MZT2B: variants seen among roughly 807,000 people sequenced by gnomAD.
MZT2B encodes mitotic spindle organizing protein 2B.
A neutral mutation model predicts 12.1 loss-of-function variants in MZT2B; 11 were observed. The ratio of observed to expected loss-of-function variants is 0.91; its 90% CI spans 0.57 to 1.50. The LOEUF (loss-of-function observed/expected upper bound fraction) is 1.50, where lower values mean the gene tolerates loss of function less well. MZT2B is among the 40% of genes most tolerant of loss of function. The pLI, the probability that MZT2B is intolerant of heterozygous loss-of-function variation, is 0.00. For missense variants in MZT2B, 209 were observed against 227.7 expected (o/e 0.92, Z 0.53); for synonymous variants, 85 against 109.5 (o/e 0.78, Z 1.40).
intron 2 of MZT2B, among the ~76,000 whole-genome samples, chr2:130,183,381 G>C (rs1195945554): frequency 6.6e-6 from 1 of 152,166 alleles, no homozygotes; most frequent in Non-Finnish European, 1.5e-5. Flanking sequence ...AGAGTCAGAC[G>C]CGGAACTCCC....
chr2:130,203,242 G>C, the MZT2B span, among the ~76,000 whole-genome samples: 1 of 152,168 alleles, frequency 6.6e-6, no homozygotes, highest in Non-Finnish European at 1.5e-5. Context: ...AAGATCATCT[G>C]TGGTATCATC....
chr2:130,199,665 G>T, the MZT2B span, among the ~76,000 whole-genome samples: 2 of 120,688 alleles, frequency 1.7e-5, 1 homozygote, highest in Non-Finnish European at 3.6e-5. Context: ...AGAAGAGGCA[G>T]TTCCTAAGTT....
chr2:130,195,065 C>T (rs768966233), downstream of MZT2B: 1 of 1,611,992 alleles, frequency 6.2e-7, no homozygotes, highest in Admixed American at 1.7e-5. Context: ...CCACATGAAA[C>T]CTTCTCTTCT....
chr2:130,182,490 A>G (rs1023905606), intron 1 of MZT2B, 38 bp downstream of exon 1: 1 of 1,536,304 alleles, frequency 6.5e-7, no homozygotes. Context: ...CTAGCCAGAC[A>G]CCCCCCGACC....
chr2:130,202,208 A>T, the MZT2B span: 1,029 of 954,290 alleles, frequency 1.1e-3, 3 homozygotes, highest in Middle Eastern at 2.2e-3. Flanking sequence ...ACAGCACTAA[A>T]AAAAACAGTC....
chr2:130,203,832 T>C, the MZT2B span, among the ~76,000 whole-genome samples: 3 of 151,688 alleles, frequency 2.0e-5, no homozygotes, highest in African/African-American at 7.3e-5. Flanking sequence ...GCCCAAATGC[T>C]TTATTCACCT....
Position 130,190,474 on chromosome 2 carries a change from A to G in MZT2B, c.325A>G (p.Asn109Asp), listed in dbSNP as rs1127031. The G allele has an allele frequency of 1.5e-5, 24 of 1,613,344 alleles. No individual in the cohort carries two copies. Among genetic ancestry groups the G allele is most frequent in the African/African-American group, 1.2e-4 (9 of 74,936 alleles). The change falls in exon 3 of 3, where the codon AAC becomes GAC. Residue 109 changes from asparagine (N) to aspartate (D), a missense_variant. Asn to Asp is a conservative substitution (Grantham distance 23, BLOSUM62 1). Coordinates refer to ENST00000281871, the MANE Select transcript of MZT2B (RefSeq NM_025029.5). The stretch of plus-strand genomic sequence containing the variant: ...TGTGCTTTGTGTCTCCTCAGGGAGA[A>G]ACAAAGGCAGCGCTGCCCTCGGGGG... ...TSSVPETRGR[N>D]KGSAALGGAL...
At chr2:130,186,206 G>A (rs1229691264) in intron 2 of MZT2B, among the ~76,000 whole-genome samples, 2 of 152,150 alleles carry the variant, frequency 1.3e-5, no homozygotes, top group Non-Finnish European at 2.9e-5. Context: ...GGACTCGGGT[G>A]TGGAGTTCTC....
At chr2:130,197,029 C>T in the MZT2B span, among the ~76,000 whole-genome samples, 17 of 152,178 alleles carry the variant, frequency 1.1e-4, no homozygotes, top group African/African-American at 4.1e-4. Flanking sequence ...CTGTGGGTGA[C>T]CTGAATCCCT....
At chr2:130,184,731 A>T (rs1204206234) in intron 2 of MZT2B, 1 of 985,306 alleles carries the variant, frequency 1.0e-6, no homozygotes, top group Non-Finnish European at 1.2e-6. Flanking sequence ...CTGGGAACAG[A>T]GTCCTTGTCA....
downstream of MZT2B, chr2:130,194,550 C>T: frequency 7.1e-7 from 1 of 1,410,718 alleles, no homozygotes; most frequent in South Asian, 1.4e-5. Flanking sequence ...TTCTCTTTGC[C>T]TCTAAAGAGT....
chr2:130,184,586 C>G (rs1414412260), intron 2 of MZT2B: 3 of 985,296 alleles, frequency 3.0e-6, no homozygotes, highest in East Asian at 2.3e-4. Context: ...CCTGACAGCG[C>G]CCACCTCACT....
At chr2:130,194,390 G>T (rs748204608), downstream of MZT2B, 29 of 1,612,900 alleles carry the variant, frequency 1.8e-5, no homozygotes, top group African/African-American at 4.0e-5. Context: ...CATGAGCAGA[G>T]ATGCGAACCC....
the MZT2B span, among the ~76,000 whole-genome samples, chr2:130,198,114 G>A: frequency 1.6e-5 from 2 of 122,654 alleles, no homozygotes; most frequent in African/African-American, 2.9e-5. Flanking sequence ...TCTGGGGGAC[G>A]GGATACCGTC....
At chr2:130,201,834 A>G in the MZT2B span, among the ~76,000 whole-genome samples, 2 of 152,234 alleles carry the variant, frequency 1.3e-5, no homozygotes, top group Admixed American at 6.5e-5. Flanking sequence ...GGTATAGCAT[A>G]TAGCCCCTTG....
chr2:130,184,514 G>A (rs1689980801), intron 2 of MZT2B: 5 of 985,426 alleles, frequency 5.1e-6, no homozygotes, highest in Non-Finnish European at 6.0e-6. Context: ...TGTGATCAGG[G>A]GCTCAGAGCC....
chr2:130,188,121 C>T (rs1448225316), intron 2 of MZT2B: 2 of 152,066 alleles, frequency 1.3e-5, no homozygotes, highest in East Asian at 3.9e-4. Context: ...ATCCTTGTTT[C>T]CAGAAGGGAC....
At chr2:130,181,914 A>G (rs1195282078), upstream of MZT2B, 52 of 1,443,496 alleles carry the variant, frequency 3.6e-5, no homozygotes, top group Non-Finnish European at 8.3e-6. Flanking sequence ...GGTGCGGACC[A>G]GAAAATTGCA....
chr2:130,202,366 A>G, the MZT2B span: 2 of 1,290,578 alleles, frequency 1.5e-6, no homozygotes, highest in Non-Finnish European at 2.0e-6. Flanking sequence ...CCTCGACAAG[A>G]TTTCACACAG....
Sources: allele counts gnomAD v4.1 joint callset (sites outside exome capture counted in the v4.1 genomes callset), GRCh38; gene constraint gnomAD v4.1.1; transcripts MANE v1.5; gene names NCBI Gene and HGNC (gene_info 2026-07-23, HGNC 2026-07-21).